The following LRRC8B variants were observed in gnomAD, a reference collection of about 807,000 sequenced individuals.
The protein encoded by LRRC8B is volume-regulated anion channel subunit LRRC8B.
A neutral mutation model predicts 58.8 loss-of-function variants in LRRC8B; 23 were observed. The ratio of observed to expected loss-of-function variants is 0.39; its 90% CI spans 0.28 to 0.55. The LOEUF is 0.55. Among genes scored for constraint, LRRC8B ranks in the 20% least tolerant of loss-of-function variants. LRRC8B has a pLI of 0.62. For synonymous variants in LRRC8B, 359 were observed against 374.1 expected (o/e 0.96, Z 0.47); for missense variants, 694 against 936.0 (o/e 0.74, Z 3.37).
At chr1:89,586,393 T>C (rs1654626507) in intron 5 of LRRC8B, among the ~76,000 whole-genome samples, 1 of 152,212 alleles carries the variant, frequency 6.6e-6, no homozygotes, top group Non-Finnish European at 1.5e-5. Flanking sequence ...AATAAAAATA[T>C]CAATAATTAC....
At chr1:89,562,713 T>G (rs1652773975) in intron 1 of LRRC8B, among the ~76,000 whole-genome samples, 1 of 152,146 alleles carries the variant, frequency 6.6e-6, no homozygotes, top group Non-Finnish European at 1.5e-5. Flanking sequence ...TCAAGTATCT[T>G]CCCATCTTGA....
intron 5 of LRRC8B, chr1:89,587,899 T>C (rs1160381357): frequency 6.6e-6 from 1 of 152,260 alleles, no homozygotes; most frequent in Admixed American, 6.5e-5. Flanking sequence ...GACGAGGACC[T>C]TACCAGCTCA....
intron 5 of LRRC8B, among the ~76,000 whole-genome samples, chr1:89,587,121 TTGAA>T (rs1557624826): frequency 6.6e-6 from 1 of 152,154 alleles, no homozygotes; most frequent in Non-Finnish European, 1.5e-5. Context: ...CATTCAAAGA[TTGAA>T]TGAGCACTTG....
At chr1:89,561,685 A>G (rs1023271063) in intron 1 of LRRC8B, among the ~76,000 whole-genome samples, 106 of 128,140 alleles carry the variant, frequency 8.3e-4, no homozygotes, top group Non-Finnish European at 1.3e-3. Context: ...TTTGTCAAAG[A>G]TCAGATAGTT....
In LRRC8B at chr1:89,583,566, T is replaced by C; in HGVS notation, c.916T>C (p.Tyr306His). ...AGGATATAAGCGCTACCAGTGTGTCTATTCCTTGGCAGAAATCTTTAAGGT... is the reference window on the plus strand; with the variant it reads ...AGGATATAAGCGCTACCAGTGTGTCCATTCCTTGGCAGAAATCTTTAAGGT... ...FTGYKRYQCV[Y>H]SLAEIFKVLA... Residue 306 changes from tyrosine to histidine, a missense_variant, in exon 5 of 6, where the codon TAT becomes CAT. Transcript: ENST00000330947. This position sits in a 1 kb window ranked among gnomAD's most constrained non-coding sequence, Gnocchi z 5.2. 1 of 1,611,454 alleles carries C rather than the reference T, an allele frequency of 6.2e-7. No individual in the cohort carries two copies. The highest frequency in any genetic ancestry group is 8.5e-7 in the Non-Finnish European group (1 of 1,180,032).
intron 5 of LRRC8B, among the ~76,000 whole-genome samples, chr1:89,590,482 G>T (rs1356874610): frequency 6.6e-6 from 1 of 152,232 alleles, no homozygotes; most frequent in Non-Finnish European, 1.5e-5. Context: ...CACATAGCCA[G>T]CGCAGCCCTT....
At chr1:89,589,445 G>A (rs1570652239) in intron 5 of LRRC8B, among the ~76,000 whole-genome samples, 1 of 152,302 alleles carries the variant, frequency 6.6e-6, no homozygotes, top group Non-Finnish European at 1.5e-5. Context: ...GGATTATGGT[G>A]GCATTGATTG....
rs2101128061 is a variant in LRRC8B at position 89,595,943 on chromosome 1, C to G, written c.*2900C>G. On this transcript the variant is annotated 3_prime_UTR_variant, in exon 6 of 6. Transcript: ENST00000330947. ...AAATAAATGTGGAGGTTATTCAGAACAAAATTCATAGCTTACGGTAGTAAT... is the reference window on the plus strand; with the variant it reads ...AAATAAATGTGGAGGTTATTCAGAAGAAAATTCATAGCTTACGGTAGTAAT... 1 of 152,130 alleles carries G rather than the reference C, an allele frequency of 6.6e-6. No individual in the cohort carries two copies. Among genetic ancestry groups the G allele is most frequent in the African/African-American group, 2.4e-5 (1 of 41,528 alleles). 9.4% of individuals were successfully genotyped at this position (152,130 alleles called of 1,614,324 possible). A position where few individuals can be genotyped will look rare whatever the true frequency, so the allele number is the denominator to read the frequency against.
intron 1 of LRRC8B, among the ~76,000 whole-genome samples, chr1:89,525,958 G>A (rs952642911): frequency 9.2e-5 from 14 of 152,166 alleles, no homozygotes; most frequent in African/African-American, 3.1e-4. Context: ...AATTTGTTCA[G>A]CGTATATTAA....
chr1:89,553,454 C>G (rs1013530563), intron 1 of LRRC8B, among the ~76,000 whole-genome samples: 1 of 152,150 alleles, frequency 6.6e-6, no homozygotes, highest in African/African-American at 2.4e-5. Context: ...ATATCTGGCA[C>G]CCTTTTGTGT....
chr1:89,536,031 G>A (rs1231463939), intron 1 of LRRC8B, among the ~76,000 whole-genome samples: 1 of 152,138 alleles, frequency 6.6e-6, no homozygotes, highest in Non-Finnish European at 1.5e-5. Flanking sequence ...CTGTGTAAGA[G>A]GGTACTGTAT....
At chr1:89,548,302 A>G (rs1226060124) in intron 1 of LRRC8B, among the ~76,000 whole-genome samples, 2 of 152,212 alleles carry the variant, frequency 1.3e-5, no homozygotes, top group Non-Finnish European at 2.9e-5. Context: ...GTATGGTAAT[A>G]GTTTCTCCTT....
Position 89,584,609 on chromosome 1 carries a change from G to C in LRRC8B, c.1959G>C (p.Gly653=). 1 of 1,614,028 alleles carries C rather than the reference G, an allele frequency of 6.2e-7. No homozygotes were observed. Among genetic ancestry groups the C allele is most frequent in the Non-Finnish European group, 8.5e-7 (1 of 1,180,020 alleles). The change falls in exon 5 of 6, where the codon GGG becomes GGC. Residue 653 remains glycine, a synonymous_variant. Coordinates refer to ENST00000330947, the MANE Select transcript of LRRC8B (RefSeq NM_001369817.2). ...NNIAYIPAQI[G]ALSNLEQLSL... ...TTGCTTATATTCCTGCACAGATTGG[G>C]GCATTATCTAACCTAGAGCAGCTCT...
rs1230802047 is a variant in LRRC8B, at chr1:89,597,236, A to T, written c.*4193A>T. ...ACATTCTCTTCAGATTTTTTATATG[A>T]ATAATTTCATCAGCACTAAAGCATT... On this transcript the variant is annotated 3_prime_UTR_variant, in exon 6 of 6. Coordinates refer to ENST00000330947, the MANE Select transcript of LRRC8B (RefSeq NM_001369817.2). 6.6e-6 allele frequency: 1 copy of T among 152,198 alleles called. No homozygotes were observed. Among genetic ancestry groups the T allele is most frequent in the East Asian group, 1.9e-4 (1 of 5,206 alleles). 9.4% of individuals were successfully genotyped at this position (152,198 alleles called of 1,614,324 possible).
chr1:89,563,251 A>G (rs1652813592), intron 1 of LRRC8B, among the ~76,000 whole-genome samples: 1 of 152,010 alleles, frequency 6.6e-6, no homozygotes, highest in African/African-American at 2.4e-5. Flanking sequence ...ACTATTTTTA[A>G]TTCTGTGGCA....
chr1:89,540,121 A>G (rs1459643546), intron 1 of LRRC8B, among the ~76,000 whole-genome samples: 2 of 152,146 alleles, frequency 1.3e-5, no homozygotes, highest in Non-Finnish European at 2.9e-5. Flanking sequence ...TGTTCCAGCT[A>G]CTCAATTCCA....
At chr1:89,525,198 G>T (rs1254104807) in intron 1 of LRRC8B, among the ~76,000 whole-genome samples, 176 bp downstream of exon 1, 1 of 152,266 alleles carries the variant, frequency 6.6e-6, no homozygotes, top group Admixed American at 6.5e-5. Flanking sequence ...CTGCAGAGAC[G>T]AGTGGCCGCT....
At chr1:89,574,945 C>T (rs1653734544) in intron 3 of LRRC8B, among the ~76,000 whole-genome samples, 1 of 152,226 alleles carries the variant, frequency 6.6e-6, no homozygotes, top group African/African-American at 2.4e-5. Context: ...CTCATAGAAC[C>T]TCTCAGCTAG....
At chr1:89,537,497 GC>G (rs1444535239) in intron 1 of LRRC8B, among the ~76,000 whole-genome samples, 1 of 152,156 alleles carries the variant, frequency 6.6e-6, no homozygotes, top group Non-Finnish European at 1.5e-5. Flanking sequence ...TTTTGAGACA[GC>G]GTTTTGCTCT....
Sources: gnomAD v4.1 joint callset for allele counts (sites outside exome capture counted in the v4.1 genomes callset) on GRCh38, gnomAD v4.1.1 for gene constraint, Gnocchi (gnomAD v3.1) non-coding constraint, MANE v1.5 for transcripts, NCBI Gene and HGNC (gene_info 2026-07-23, HGNC 2026-07-21) for gene names.